Variants in UQCC2 observed in about 807,000 individuals in gnomAD.
The protein encoded by UQCC2 is ubiquinol-cytochrome c reductase complex assembly factor 2.
In UQCC2, 21 loss-of-function variants were observed where a neutral mutation model predicts 19.9. The ratio of observed to expected loss-of-function variants is 1.05; its 90% CI spans 0.75 to 1.52. UQCC2 has a LOEUF of 1.52. Among genes scored for constraint, UQCC2 ranks in the 40% most tolerant of loss-of-function variants. The probability of loss-of-function intolerance (pLI) is 0.00; values close to 1 mark genes in which losing one functional copy is unlikely to be tolerated. For missense variants in UQCC2, 135 were observed against 157.5 expected (o/e 0.86, Z 0.76); for synonymous variants, 57 against 60.9 (o/e 0.94, Z 0.30).
rs138520348 is a variant in UQCC2, at chr6:33,709,543, C to A, written c.138+2006G>T. Among the ~76,000 whole-genome samples, 474 of 152,214 alleles carry A rather than the reference C, an allele frequency of 3.1e-3. 1 individual carries two copies. The highest frequency in any genetic ancestry group is 0.01 in the Middle Eastern group (3 of 294). On this transcript the variant is annotated intron_variant, in intron 1 of 3. Transcript: ENST00000607484. The stretch of plus-strand genomic sequence containing the variant: ...AGGGAGTACAGCTTTAGAAAGTTCA[C>A]GGGTTTGTAGAATTGGGACTAGATA...
At chr6:33,707,104 C>G (rs1765709501) in intron 1 of UQCC2, among the ~76,000 whole-genome samples, 1 of 152,234 alleles carries the variant, frequency 6.6e-6, no homozygotes, top group Non-Finnish European at 1.5e-5. Flanking sequence ...AGCACTGCAG[C>G]TTTACATATG....
chr6:33,706,660 G>C, intron 1 of UQCC2, among the ~76,000 whole-genome samples: 1 of 152,212 alleles, frequency 6.6e-6, no homozygotes, highest in East Asian at 1.9e-4. Flanking sequence ...ACAGGGACCA[G>C]AAATGACTGG....
intron 1 of UQCC2, among the ~76,000 whole-genome samples, chr6:33,703,588 A>G (rs1765664927): frequency 6.6e-6 from 1 of 151,688 alleles, no homozygotes; most frequent in Non-Finnish European, 1.5e-5. Flanking sequence ...CTTATCAGCT[A>G]TGTGATGTCA....
intron 1 of UQCC2, among the ~76,000 whole-genome samples, chr6:33,703,170 G>C (rs1048505071): frequency 1.3e-5 from 2 of 152,220 alleles, no homozygotes; most frequent in Non-Finnish European, 2.9e-5. Context: ...AACACATCTG[G>C]AACATTTCTT....
In UQCC2 at chr6:33,697,717, C is replaced by G. The variant is rs139464283; in HGVS notation, c.317G>C (p.Gly106Ala). Residue 106 changes from glycine (G) to alanine (A), a missense_variant, in exon 4 of 4, where the codon GGC (glycine) becomes GCC (alanine). Gly to Ala is a moderately conservative substitution (Grantham distance 60). Transcript: ENST00000607484. ...TLEELKEIDK[G>A]MWKKLQEKFA... ...CTTCTCCTGCAGTTTCTTCCACATG[C>G]CTTTATCTATTTCCTTAAGCTCTTC... 1.9e-5 allele frequency: 31 copies of G among 1,614,030 alleles called. No homozygotes were observed. Among genetic ancestry groups the G allele is most frequent in the Non-Finnish European group, 2.6e-5 (31 of 1,180,034 alleles).
At chr6:33,707,911 G>A (rs1414852425) in intron 1 of UQCC2, among the ~76,000 whole-genome samples, 2 of 152,256 alleles carry the variant, frequency 1.3e-5, no homozygotes, top group African/African-American at 4.8e-5. Context: ...GGGTGTAAGA[G>A]GAGTTACATG....
At chr6:33,704,572 T>C (rs1174732924) in intron 1 of UQCC2, among the ~76,000 whole-genome samples, 3 of 152,172 alleles carry the variant, frequency 2.0e-5, no homozygotes, top group Non-Finnish European at 2.9e-5. Context: ...TTGCTGTACC[T>C]GGTCTTCACC....
chr6:33,699,411 AGGGC>A (rs1216452599), intron 3 of UQCC2, among the ~76,000 whole-genome samples: 3 of 152,210 alleles, frequency 2.0e-5, no homozygotes, highest in Non-Finnish European at 4.4e-5. Context: ...GGGCAGAGGC[AGGGC>A]CTCTGGAACT....
chr6:33,711,441 T>C (rs780799786), intron 1 of UQCC2, 108 bp downstream of exon 1: 22 of 1,448,136 alleles, frequency 1.5e-5, no homozygotes, highest in Admixed American at 7.8e-5. Flanking sequence ...ACGTGCTGCC[T>C]GGAAAGAGGG....
intron 1 of UQCC2, among the ~76,000 whole-genome samples, chr6:33,703,226 G>A (rs1318651162): frequency 1.3e-5 from 2 of 152,176 alleles, no homozygotes; most frequent in Non-Finnish European, 2.9e-5. Flanking sequence ...GTGCAATGGC[G>A]TGATCTCGGC....
Position 33,708,888 on chromosome 6 carries a change from G to A in UQCC2, c.138+2661C>T, listed in dbSNP as rs549757687. 4.7e-4 allele frequency among the ~76,000 whole-genome samples: 72 copies of A among 152,312 alleles called. 1 individual carries two copies. In the South Asian group the frequency reaches 0.012, roughly 25 times the overall value. ...TCAGGTGACATTAGGATGAGGTACC[G>A]CAACAGTGGTCCTGAGTAATGCACC... On this transcript the variant is annotated intron_variant, in intron 1 of 3. Transcript: ENST00000607484.
intron 1 of UQCC2, among the ~76,000 whole-genome samples, chr6:33,706,197 T>C (rs988214025): frequency 6.6e-6 from 1 of 152,280 alleles, no homozygotes; most frequent in African/African-American, 2.4e-5. Flanking sequence ...GTGTTGCAAA[T>C]TGCTTTGCTA....
At chr6:33,701,559 G>A in intron 1 of UQCC2, 139 bp from the exon 2 acceptor site, 9 of 740,130 alleles carry the variant, frequency 1.2e-5, no homozygotes, top group South Asian at 4.8e-5. Context: ...TCCACTCTGC[G>A]GGAAGCAAAC....
At chr6:33,698,320 C>G (rs985205209) in intron 3 of UQCC2, 1 of 153,366 alleles carries the variant, frequency 6.5e-6, no homozygotes, top group Non-Finnish European at 1.5e-5. Flanking sequence ...CCCATCATCT[C>G]CCACTCTGGG....
chr6:33,701,404 G>C lies in UQCC2; in HGVS notation c.155C>G (p.Ala52Gly), dbSNP rs1470715760. Residue 52 changes from alanine to glycine, a missense_variant, in exon 2 of 4, where the codon GCC (alanine) becomes GGC (glycine). Ala to Gly is a moderately conservative substitution (Grantham distance 60). Coordinates refer to ENST00000607484, the MANE Select transcript of UQCC2 (RefSeq NM_032340.4). Reference protein sequence around the residue: ...GENTQVAEPEACDQMYESLAR... With the variant: ...GENTQVAEPEGCDQMYESLAR... ...TAAGCTCTCGTACATCTGATCACAG[G>C]CCTCAGGCTCTGCAACCTGAAAAGC... The C allele has an allele frequency of 6.2e-7, 1 of 1,613,454 alleles. No individual in the cohort carries two copies. Among genetic ancestry groups the C allele is most frequent in the Non-Finnish European group, 8.5e-7 (1 of 1,179,806 alleles).
At chr6:33,710,489 A>G (rs1276918876) in intron 1 of UQCC2, among the ~76,000 whole-genome samples, 1 of 152,136 alleles carries the variant, frequency 6.6e-6, no homozygotes. Context: ...TCTGTCCTCA[A>G]ACATGTCAAT....
chr6:33,711,216 C>T (rs906733894), intron 1 of UQCC2, among the ~76,000 whole-genome samples: 1 of 152,162 alleles, frequency 6.6e-6, no homozygotes, highest in African/African-American at 2.4e-5. Flanking sequence ...CGGAGTCCCA[C>T]TATGTTGCCC....
chr6:33,697,155 G>C lies in UQCC2; in HGVS notation c.*498C>G, dbSNP rs528752731. ...AGAGGCCTAAGGTCCATCCTTCTCT[G>C]AGTCAGTGGGGATGAGGGCCAAGCA... is the stretch of plus-strand genomic sequence containing the variant. On this transcript the variant is annotated 3_prime_UTR_variant, in exon 4 of 4. Coordinates refer to ENST00000607484, the MANE Select transcript of UQCC2 (RefSeq NM_032340.4). 1 of 154,834 alleles carries C rather than the reference G, an allele frequency of 6.5e-6. No homozygotes were observed. Among genetic ancestry groups the C allele is most frequent in the South Asian group, 2.0e-4 (1 of 4,956 alleles). 9.6% of individuals were successfully genotyped at this position (154,834 alleles called of 1,614,324 possible).
chr6:33,703,192 G>A (rs145682128), intron 1 of UQCC2, among the ~76,000 whole-genome samples: 3,076 of 152,276 alleles, frequency 0.02, 69 homozygotes, highest in South Asian at 0.056. Context: ...AGCAGGGCAC[G>A]CACAGCCAAG....
Sources: gnomAD v4.1 joint callset for allele counts (sites outside exome capture counted in the v4.1 genomes callset) on GRCh38, gnomAD v4.1.1 for gene constraint, MANE v1.5 for transcripts, NCBI Gene and HGNC (gene_info 2026-07-23, HGNC 2026-07-21) for gene names.